SMTN: variants seen among roughly 807,000 people sequenced by gnomAD.
SMTN encodes smoothelin.
SMTN carries 58 observed loss-of-function variants against 102.0 expected under a neutral mutation model. The ratio of observed to expected loss-of-function variants is 0.57; its 90% CI spans 0.46 to 0.71. SMTN has a LOEUF of 0.71. SMTN is among the 30% of genes least tolerant of loss of function. The pLI is 0.00. For missense variants in SMTN, 1,185 were observed against 1,241.7 expected (o/e 0.95, Z 0.69); for synonymous variants, 478 against 497.9 (o/e 0.96, Z 0.53).
upstream of SMTN, chr22:31,080,887 C>G (rs887079698): frequency 1.3e-5 from 2 of 152,240 alleles, no homozygotes; most frequent in African/African-American, 2.4e-5. Context: ...CCAGGTGTCC[C>G]GAAAGCAGCC....
chr22:31,096,646 C>T (rs548755484), intron 13 of SMTN, 87 bp from the exon 14 acceptor site: 44 of 1,400,510 alleles, frequency 3.1e-5, no homozygotes, highest in Admixed American at 5.1e-5. Context: ...CCCTCCACCC[C>T]GTCTTGTGTG....
At chr22:31,094,030 C>T (rs1174900378) in intron 11 of SMTN, among the ~76,000 whole-genome samples, 2 of 152,208 alleles carry the variant, frequency 1.3e-5, no homozygotes, top group Non-Finnish European at 2.9e-5. Context: ...AAGAGGGTGC[C>T]AGGCTCCAGC....
At chr22:31,093,337 C>T in intron 11 of SMTN, 2 of 316,654 alleles carry the variant, frequency 6.3e-6, no homozygotes, top group South Asian at 5.7e-5. Flanking sequence ...GGCAGGCCCG[C>T]TGCCCTTGCC....
At chr22:31,072,908 G>A (rs745746691) in intron 1 of SMTN, among the ~76,000 whole-genome samples, 3 of 151,954 alleles carry the variant, frequency 2.0e-5, no homozygotes, top group Non-Finnish European at 2.9e-5. Flanking sequence ...ACAGGCGTGC[G>A]GCACCAGGAC....
intron 8 of SMTN, 64 bp from the exon 9 acceptor site, chr22:31,090,744 C>A: frequency 7.9e-7 from 1 of 1,271,804 alleles, no homozygotes; most frequent in Non-Finnish European, 1.1e-6. Context: ...GAAAGGTGGA[C>A]ACCCACTATC....
At chr22:31,073,011 C>CTTTTTTTTTTTTTT (rs59040826) in intron 1 of SMTN, among the ~76,000 whole-genome samples, 2 of 85,684 alleles carry the variant, frequency 2.3e-5, no homozygotes, top group Non-Finnish European at 4.4e-5. Flanking sequence ...CTCTCTCTCT[C>CTTTTTTTTTTTTTT]TTTTTTTTTT....
intron 1 of SMTN, among the ~76,000 whole-genome samples, chr22:31,071,116 T>C (rs1281074768): frequency 1.3e-5 from 2 of 151,824 alleles, no homozygotes; most frequent in Non-Finnish European, 2.9e-5. Context: ...GGTGTGTGCC[T>C]GTAGTCCCAG....
intron 11 of SMTN, among the ~76,000 whole-genome samples, chr22:31,094,686 G>C (rs2043432955): frequency 7.0e-6 from 1 of 143,792 alleles, no homozygotes; most frequent in Non-Finnish European, 1.5e-5. Context: ...TTTTTTTCCG[G>C]TCTTGTTTTC....
chr22:31,086,519 GTCTC>G (rs1035296340), intron 2 of SMTN, among the ~76,000 whole-genome samples: 2 of 152,126 alleles, frequency 1.3e-5, no homozygotes, highest in African/African-American at 2.4e-5. Context: ...TTGCCCCCTT[GTCTC>G]TCTCCCTCCT....
In SMTN at chr22:31,088,043, C is replaced by A; in HGVS notation, c.130C>A (p.Arg44Ser). Residue 44 changes from arginine (R) to serine (S), a missense_variant, in exon 3 of 21, where the codon CGC becomes AGC. By Grantham distance (110) the Arg-to-Ser change is moderately radical. This residue lies in a region of SMTN where 1,096 missense variants were observed against 1,112.7 expected (regional missense o/e 0.98). Coordinates refer to ENST00000333137, the MANE Select transcript of SMTN (RefSeq NM_134269.3). The stretch of plus-strand genomic sequence containing the variant: ...GGAACTGCAGCGGCAGGAGCTGGAG[C>A]GCGAGGAGGAGGCCCTGGCATCCAA... ...IRELQRQELEREEEALASKRF... is the reference protein window; with the variant it reads ...IRELQRQELESEEEALASKRF... 1 of 1,611,964 alleles carries A rather than the reference C, an allele frequency of 6.2e-7. No homozygotes were observed. The highest frequency in any genetic ancestry group is 1.7e-5 in the Admixed American group (1 of 59,916).
chr22:31,073,252 T>C (rs28717077), intron 1 of SMTN, among the ~76,000 whole-genome samples: 2 of 91,950 alleles, frequency 2.2e-5, no homozygotes, highest in African/African-American at 7.6e-5. Flanking sequence ...CAGACACACA[T>C]ACACACGCAC....
upstream of SMTN, among the ~76,000 whole-genome samples, chr22:31,076,476 CT>C (rs1195976132): frequency 1.3e-5 from 2 of 152,236 alleles, no homozygotes; most frequent in African/African-American, 4.8e-5. Context: ...ATGACTTCCC[CT>C]CTCTGAGCCT....
intron 1 of SMTN, chr22:31,082,829 C>A (rs1009039724): frequency 1.3e-5 from 19 of 1,494,510 alleles, no homozygotes; most frequent in Middle Eastern, 2.3e-4. Flanking sequence ...TGGAGTGCAC[C>A]CCCTGGTGGT....
chr22:31,093,883 G>C (rs116304283), intron 11 of SMTN: 65,846 of 1,539,718 alleles, frequency 0.043, 1,565 homozygotes, highest in Middle Eastern at 0.095. Context: ...TCTCGTAAGT[G>C]CTTCTGGGTT....
chr22:31,084,760 T>C (rs1357213676), intron 2 of SMTN, among the ~76,000 whole-genome samples: 1 of 152,182 alleles, frequency 6.6e-6, no homozygotes, highest in Non-Finnish European at 1.5e-5. Flanking sequence ...TGGTTGAATC[T>C]CTGGGAAAGG....
chr22:31,098,571 T>G, intron 16 of SMTN, 96 bp from the exon 17 acceptor site: 1 of 1,149,684 alleles, frequency 8.7e-7, no homozygotes, highest in Non-Finnish European at 1.2e-6. Context: ...GAGATACTAG[T>G]GTGCTACAAG....
intron 2 of SMTN, 164 bp from the exon 3 acceptor site, chr22:31,087,801 G>A: frequency 1.6e-6 from 1 of 634,158 alleles, no homozygotes; most frequent in Non-Finnish European, 2.6e-6. Context: ...CAGTGGGCTG[G>A]GTCTACCCCC....
At chr22:31,090,660 G>C (rs2043057032) in intron 8 of SMTN, 148 bp from the exon 9 acceptor site, 4 of 708,798 alleles carry the variant, frequency 5.6e-6, no homozygotes, top group Non-Finnish European at 1.0e-5. Context: ...GATCCAGGAG[G>C]GGATGGAGAG....
intron 1 of SMTN, among the ~76,000 whole-genome samples, chr22:31,074,076 T>G (rs554930277): frequency 6.6e-6 from 1 of 152,350 alleles, no homozygotes; most frequent in African/African-American, 2.4e-5. Context: ...TTCCGTATAT[T>G]CTATTGGCCA....
Sources: allele counts gnomAD v4.1 joint callset (sites outside exome capture counted in the v4.1 genomes callset), GRCh38; gene constraint gnomAD v4.1.1; regional missense constraint gnomAD v4.1.1; transcripts MANE v1.5; gene names NCBI Gene and HGNC (gene_info 2026-07-23, HGNC 2026-07-21).